The following CNOT4 variants were observed in gnomAD, a reference collection of about 807,000 sequenced individuals.
The protein encoded by CNOT4 is CCR4-NOT transcription complex subunit 4.
In CNOT4, 8 loss-of-function variants were observed where a neutral mutation model predicts 73.8. The ratio of observed to expected loss-of-function variants is 0.11; its 90% CI spans 0.06 to 0.20. The LOEUF (loss-of-function observed/expected upper bound fraction) is 0.20. CNOT4 is among the 10% of genes least tolerant of loss of function. CNOT4 has a pLI of 1.00. For synonymous variants in CNOT4, 293 were observed against 321.1 expected (o/e 0.91, Z 0.94); for missense variants, 564 against 883.4 (o/e 0.64, Z 4.58).
chr7:135,416,709 C>T (rs897276323), intron 3 of CNOT4, among the ~76,000 whole-genome samples: 2 of 152,138 alleles, frequency 1.3e-5, no homozygotes, highest in African/African-American at 2.4e-5. Context: ...TGTCCTGCAT[C>T]AGCATCATAG....
At position 135,417,023 on chromosome 7, in the gene CNOT4, GAGAAAA is replaced by G. The variant is rs757768163; in HGVS notation, c.373-1767_373-1762del. ...TTTAAAATTTTACTAAGAGTTATCTGAGAAAAATCACATTATTGATGTTTCATGGTA... is the reference window on the plus strand; with the variant it reads ...TTTAAAATTTTACTAAGAGTTATCTGATCACATTATTGATGTTTCATGGTA... On this transcript the variant is annotated intron_variant, in intron 3 of 11. Coordinates refer to ENST00000541284, the MANE Select transcript of CNOT4 (RefSeq NM_001190850.2). Among the ~76,000 whole-genome samples, 39 of 152,262 alleles carry G rather than the reference GAGAAAA, an allele frequency of 2.6e-4. 1 individual carries two copies. The South Asian group carries it at 7.7e-3, about 30-fold the overall frequency.
chr7:135,510,032 A>G lies in CNOT4; in HGVS notation c.-236T>C, dbSNP rs1804651431. 2.5e-6 allele frequency: 1 copy of G among 398,974 alleles called. No homozygotes were observed. Among genetic ancestry groups the G allele is most frequent in the Non-Finnish European group, 4.4e-6 (1 of 226,164 alleles). 24.7% of individuals were successfully genotyped at this position (398,974 alleles called of 1,614,324 possible). On this transcript the variant is annotated 5_prime_UTR_variant, in exon 1 of 12. Coordinates refer to ENST00000541284, the MANE Select transcript of CNOT4 (RefSeq NM_001190850.2). ...CGAGTCCGACCTTTACGGCTGAGAG[A>G]GAGACTCTCAGCTTTCGGTGGGTTC...
At chr7:135,415,322 T>C in intron 3 of CNOT4, 60 bp from the exon 4 acceptor site, 3 of 840,992 alleles carry the variant, frequency 3.6e-6, no homozygotes, top group Non-Finnish European at 5.9e-6. Context: ...TTTATCCTTA[T>C]AATGGAGACA....
chr7:135,499,082 C>T (rs995772893), intron 1 of CNOT4, among the ~76,000 whole-genome samples: 1 of 152,072 alleles, frequency 6.6e-6, no homozygotes, highest in Admixed American at 6.5e-5. Flanking sequence ...ACAATCCTGA[C>T]ATATTAAAAG....
intron 2 of CNOT4, among the ~76,000 whole-genome samples, chr7:135,433,902 G>A (rs1799001836): frequency 6.6e-6 from 1 of 152,164 alleles, no homozygotes; most frequent in Non-Finnish European, 1.5e-5. Flanking sequence ...AGTAGCCTGT[G>A]CCTGTGTTTA....
Position 135,363,927 on chromosome 7 carries a change from C to T in CNOT4, c.1767G>A (p.Thr589=), listed in dbSNP as rs774529944. Residue 589 remains threonine (T), a synonymous_variant, in exon 11 of 12, where the codon ACG becomes ACA. Coordinates refer to ENST00000541284, the MANE Select transcript of CNOT4 (RefSeq NM_001190850.2). The surrounding 1 kb of genome is among the most constrained non-coding windows in gnomAD (Gnocchi z 4.3). The part of the protein sequence containing the change: ...SPSNANHSAP[T]SNTATTDSLS... ...GGCTGTCGGTGGTGGCAGTGTTGGA[C>T]GTTGGTGCACTGTGGTTGGCGTTGG... 8.1e-6 allele frequency: 13 copies of T among 1,598,046 alleles called. No homozygotes were observed. Among genetic ancestry groups the T allele is most frequent in the Non-Finnish European group, 9.3e-6 (11 of 1,179,678 alleles).
intron 1 of CNOT4, among the ~76,000 whole-genome samples, chr7:135,483,181 TA>T (rs376143035): frequency 0.073 from 9,997 of 136,598 alleles, 441 homozygotes; most frequent in Middle Eastern, 0.13. Flanking sequence ...CAAAAAAATT[TA>T]AAAAAAAAAA....
At chr7:135,506,588 G>C (rs531813623) in intron 1 of CNOT4, among the ~76,000 whole-genome samples, 1 of 152,138 alleles carries the variant, frequency 6.6e-6, no homozygotes, top group East Asian at 1.9e-4. Flanking sequence ...GGTGGCTCAC[G>C]TCTGTAATCC....
chr7:135,368,453 TAA>T (rs1246289162), intron 10 of CNOT4, among the ~76,000 whole-genome samples: 1 of 152,098 alleles, frequency 6.6e-6, no homozygotes, highest in Non-Finnish European at 1.5e-5. Flanking sequence ...TTCAAGGGGC[TAA>T]AAGTCTAGAC....
At chr7:135,466,909 G>A (rs954238373) in intron 1 of CNOT4, among the ~76,000 whole-genome samples, 2 of 152,196 alleles carry the variant, frequency 1.3e-5, no homozygotes, top group African/African-American at 4.8e-5. Context: ...ATCTAGGTTT[G>A]TGTAAGTACA....
chr7:135,437,201 T>G (rs996378668), intron 2 of CNOT4, among the ~76,000 whole-genome samples: 18 of 151,270 alleles, frequency 1.2e-4, no homozygotes, highest in African/African-American at 4.4e-4. Flanking sequence ...TTTCTTTTCT[T>G]TTTTTTGAGA....
At chr7:135,396,762 T>A (rs1470971464) in intron 8 of CNOT4, among the ~76,000 whole-genome samples, 1 of 152,184 alleles carries the variant, frequency 6.6e-6, no homozygotes, top group Non-Finnish European at 1.5e-5. Context: ...GAACAAAGTA[T>A]CTTATCTCAA....
At chr7:135,452,609 C>T (rs1800243971) in intron 1 of CNOT4, among the ~76,000 whole-genome samples, 1 of 152,100 alleles carries the variant, frequency 6.6e-6, no homozygotes. Flanking sequence ...GTGTCTGTCA[C>T]TGAGTAGAGG....
chr7:135,469,488 A>T lies in CNOT4; in HGVS notation c.-92-31065T>A, dbSNP rs1021195825. ...CTCCTTCAGCTTCACCTTTAACTCA[A>T]TCTACAAAAAGCAGTCAGGTGTAAA... On this transcript the variant is annotated intron_variant, in intron 1 of 11. Transcript: ENST00000541284. Among the ~76,000 whole-genome samples the T allele has an allele frequency of 2.0e-5, 3 of 152,210 alleles. No individual in the cohort carries two copies. The South Asian group carries it at 6.2e-4, about 32-fold the overall frequency.
At chr7:135,445,069 T>C (rs1241587285) in intron 1 of CNOT4, 1 of 743,268 alleles carries the variant, frequency 1.3e-6, no homozygotes, top group Non-Finnish European at 2.4e-6. Flanking sequence ...CACAAGGTTA[T>C]TTTCAGAATT....
At chr7:135,383,668 A>C (rs1283705182) in intron 10 of CNOT4, among the ~76,000 whole-genome samples, 1 of 151,962 alleles carries the variant, frequency 6.6e-6, no homozygotes, top group Admixed American at 6.6e-5. Flanking sequence ...TTCTTTCCAA[A>C]CTCCAACCCT....
chr7:135,492,187 A>C (rs1386883969), intron 1 of CNOT4, among the ~76,000 whole-genome samples: 1 of 152,182 alleles, frequency 6.6e-6, no homozygotes, highest in Non-Finnish European at 1.5e-5. Context: ...TGAATGGACT[A>C]AGAAAATAGA....
chr7:135,395,374 T>A (rs1037340323), intron 9 of CNOT4, among the ~76,000 whole-genome samples: 7 of 151,764 alleles, frequency 4.6e-5, no homozygotes, highest in Admixed American at 3.9e-4. Flanking sequence ...AAAAAAAAAA[T>A]TCCCAATGGA....
intron 1 of CNOT4, among the ~76,000 whole-genome samples, chr7:135,453,125 C>T (rs1800280386): frequency 1.3e-5 from 2 of 152,112 alleles, no homozygotes; most frequent in Admixed American, 6.6e-5. Context: ...AAGCTTAAAA[C>T]CCTTCTAGTC....
Sources: allele counts gnomAD v4.1 joint callset (sites outside exome capture counted in the v4.1 genomes callset), GRCh38; gene constraint gnomAD v4.1.1; non-coding constraint Gnocchi (gnomAD v3.1); transcripts MANE v1.5; gene names NCBI Gene and HGNC (gene_info 2026-07-23, HGNC 2026-07-21).